The following XIRP2 variants were observed in gnomAD, a reference collection of about 807,000 sequenced individuals.
XIRP2 encodes xin actin binding repeat containing 2, also known as xin actin-binding repeat-containing protein 2.
XIRP2 carries 236 observed loss-of-function variants against 277.0 expected under a neutral mutation model. The observed-to-expected ratio is 0.85, with a 90% CI of 0.77 to 0.95. XIRP2 has a LOEUF of 0.95. Among genes scored for constraint, XIRP2 ranks in the 40% least tolerant of loss-of-function variants. The pLI, the probability that XIRP2 is intolerant of heterozygous loss-of-function variation, is 0.00. For synonymous variants in XIRP2, 1,490 were observed against 1,416.5 expected, an observed-to-expected ratio of 1.05 and a Z score of -1.17; for missense variants, 4,640 against 4,157.5, an observed-to-expected ratio of 1.12 and a Z score of -3.19.
At chr2:166,968,743 T>G (rs142356915) in intron 2 of XIRP2, among the ~76,000 whole-genome samples, 2 of 152,044 alleles carry the variant, frequency 1.3e-5, no homozygotes, top group African/African-American at 4.8e-5. Context: ...GTAAAAAATT[T>G]GATTTTTTTT....
At chr2:167,058,585 T>C (rs929781343) in intron 2 of XIRP2, among the ~76,000 whole-genome samples, 3 of 152,198 alleles carry the variant, frequency 2.0e-5, no homozygotes, top group Non-Finnish European at 4.4e-5. Context: ...TTCCTCTCAG[T>C]TGGTATCTCA....
rs1436297175 is a variant in XIRP2, at chr2:167,016,219, ATACAATAACAATCTCTGTTGAT to A, written c.408+112332_408+112353del. ...TCCTCCTCCTCATATTCTCCAATCA[ATACAATAACAATCTCTGTTGAT>A]TATTGCATATCTCTTAAATTATCCA... On this transcript the variant is annotated intron_variant, in intron 2 of 10. Transcript: ENST00000409195. Among the ~76,000 whole-genome samples, 3 of 151,684 alleles carry A rather than the reference ATACAATAACAATCTCTGTTGAT, an allele frequency of 2.0e-5. No individual in the cohort carries two copies. In the East Asian group the frequency reaches 5.8e-4, roughly 30 times the overall value.
Position 166,901,851 on chromosome 2 carries a change from T to C in XIRP2, c.-18-1614T>C, listed in dbSNP as rs138942134. On this transcript the variant is annotated intron_variant, in intron 1 of 10. Transcript: ENST00000409195. The stretch of plus-strand genomic sequence containing the variant: ...TATTAAGGCCAAATTTTCCTGACTG[T>C]TCAGTCTATGGCTTTGTGTCTTAAA... Among the ~76,000 whole-genome samples, 3 of 152,236 alleles carry C rather than the reference T, an allele frequency of 2.0e-5. No homozygotes were observed. In the East Asian group the frequency reaches 5.8e-4, roughly 29 times the overall value.
chr2:167,104,996 AT>A (rs1227954267), intron 2 of XIRP2, among the ~76,000 whole-genome samples: 1 of 152,056 alleles, frequency 6.6e-6, no homozygotes, highest in African/African-American at 2.4e-5. Context: ...ATTTCAGCTA[AT>A]TTGATATATG....
intron 2 of XIRP2, among the ~76,000 whole-genome samples, chr2:167,107,544 TAA>T (rs1455095618): frequency 6.6e-6 from 1 of 151,732 alleles, no homozygotes; most frequent in South Asian, 2.1e-4. Context: ...TTCTCTATAA[TAA>T]GTCTTAATCA....
chr2:166,910,035 G>T (rs577171257), intron 2 of XIRP2, among the ~76,000 whole-genome samples: 3 of 152,178 alleles, frequency 2.0e-5, no homozygotes, highest in Non-Finnish European at 2.9e-5. Context: ...TGAGGATTTA[G>T]GCATCAATGT....
At chr2:167,038,609 A>G (rs1339176110) in intron 2 of XIRP2, among the ~76,000 whole-genome samples, 1 of 151,592 alleles carries the variant, frequency 6.6e-6, no homozygotes, top group Non-Finnish European at 1.5e-5. Flanking sequence ...CTTTTCTTGT[A>G]TCTTCTCTTA....
intron 3 of XIRP2, among the ~76,000 whole-genome samples, chr2:167,180,377 T>C (rs16853136): frequency 0.099 from 15,022 of 152,168 alleles, 796 homozygotes; most frequent in South Asian, 0.15. Context: ...GTCTTCATTT[T>C]CATCTCTTTG....
chr2:166,945,663 C>CT (rs71395267), intron 2 of XIRP2, among the ~76,000 whole-genome samples: 4,371 of 69,218 alleles, frequency 0.063, 307 homozygotes, highest in African/African-American at 0.13. Context: ...TAAGATAAAT[C>CT]TTTTTTTTTT....
chr2:167,119,109 A>C (rs527818859), intron 2 of XIRP2, among the ~76,000 whole-genome samples: 1 of 152,256 alleles, frequency 6.6e-6, no homozygotes, highest in South Asian at 2.1e-4. Flanking sequence ...CAAAAAGTGG[A>C]TTGGGATGGG....
chr2:167,254,127 G>C lies in XIRP2; in HGVS notation c.*1G>C, dbSNP rs763686265. On this transcript the variant is annotated 3_prime_UTR_variant, in exon 10 of 11. Transcript: ENST00000409195. ...TGGCAGACAAGCAGAATTTTCATAA[G>C]TCCTGCTTCCGATGCCACCATTGCA... The C allele has an allele frequency of 7.1e-5, 114 of 1,610,610 alleles. 1 individual carries two copies. The East Asian group carries it at 2.5e-3, about 35-fold the overall frequency.
At chr2:166,929,395 AG>A (rs1308263148) in intron 2 of XIRP2, among the ~76,000 whole-genome samples, 1 of 152,120 alleles carries the variant, frequency 6.6e-6, no homozygotes, top group Non-Finnish European at 1.5e-5. Flanking sequence ...TGAAAAGCAA[AG>A]ATTTCAGGGA....
intron 2 of XIRP2, among the ~76,000 whole-genome samples, chr2:166,912,213 G>A (rs1057469588): frequency 6.6e-6 from 1 of 152,120 alleles, no homozygotes; most frequent in Admixed American, 6.5e-5. Context: ...TTTCCAACTT[G>A]GTTCCATTTT....
chr2:166,955,334 T>C (rs893111138), intron 2 of XIRP2, among the ~76,000 whole-genome samples: 1 of 151,846 alleles, frequency 6.6e-6, no homozygotes, highest in Non-Finnish European at 1.5e-5. Flanking sequence ...ATTGTATAAT[T>C]CCATTTACAT....
intron 4 of XIRP2, among the ~76,000 whole-genome samples, chr2:167,216,172 A>G (rs1694242808): frequency 1.0e-5 from 1 of 98,540 alleles, no homozygotes; most frequent in Non-Finnish European, 2.0e-5. Context: ...CTAAAACCAT[A>G]AAAACCCTAG....
chr2:167,224,898 C>G (rs78775247), intron 5 of XIRP2, among the ~76,000 whole-genome samples: 7,113 of 152,202 alleles, frequency 0.047, 222 homozygotes, highest in Middle Eastern at 0.071. Flanking sequence ...TTTAGGAGCT[C>G]CATTATCCAA....
At chr2:167,058,021 A>ATTATTTTACTTTATTTTACTTTATT (rs1454785608) in intron 2 of XIRP2, among the ~76,000 whole-genome samples, 1 of 136,794 alleles carries the variant, frequency 7.3e-6, no homozygotes, top group Admixed American at 7.5e-5. Flanking sequence ...TTATTTTATA[A>ATTATTTTACTTTATTTTACTTTATT]TTATTTTATT....
intron 3 of XIRP2, among the ~76,000 whole-genome samples, chr2:167,165,533 C>T (rs115348750): frequency 0.04 from 6,142 of 152,270 alleles, 128 homozygotes; most frequent in Non-Finnish European, 0.05. Context: ...TGGAGGTGGA[C>T]GATTCTACTG....
intron 2 of XIRP2, among the ~76,000 whole-genome samples, chr2:167,022,087 T>A (rs1393389895): frequency 6.6e-6 from 1 of 152,118 alleles, no homozygotes; most frequent in African/African-American, 2.4e-5. Flanking sequence ...CTTGAAGAAC[T>A]GTTCAAAGCA....
Sources: allele counts gnomAD v4.1 joint callset (sites outside exome capture counted in the v4.1 genomes callset), GRCh38; gene constraint gnomAD v4.1.1; transcripts MANE v1.5; gene names NCBI Gene and HGNC (gene_info 2026-07-23, HGNC 2026-07-21).